The following FADS3 variants were observed in gnomAD, a reference collection of about 807,000 sequenced individuals.
FADS3 encodes the protein fatty acid desaturase 3.
In FADS3, 30 loss-of-function variants were observed where a neutral mutation model predicts 60.4. The observed-to-expected ratio is 0.50, with a 90% CI of 0.37 to 0.67. The LOEUF (loss-of-function observed/expected upper bound fraction) is 0.67. FADS3 is among the 30% of genes least tolerant of loss of function. The pLI, the probability that FADS3 is intolerant of heterozygous loss-of-function variation, is 0.00. For synonymous variants in FADS3, 234 were observed against 249.3 expected (o/e 0.94, Z 0.58); for missense variants, 432 against 598.3 (o/e 0.72, Z 2.90).
chr11:61,878,984 T>C (rs1169469493), intron 3 of FADS3, 137 bp from the exon 4 acceptor site: 1 of 715,892 alleles, frequency 1.4e-6, no homozygotes, highest in Non-Finnish European at 2.3e-6. Flanking sequence ...GCCAGTGTCC[T>C]CTTTTTACAG....
At chr11:61,873,897 GT>G in intron 11 of FADS3, 32 bp from the exon 12 acceptor site, 1 of 1,476,200 alleles carries the variant, frequency 6.8e-7, no homozygotes, top group Non-Finnish European at 9.4e-7. Context: ...GGGGGTGGGT[GT>G]TAGGAGCTCA....
Position 61,877,051 on chromosome 11 carries a change from T to A in FADS3, c.886-88A>T, listed in dbSNP as rs560997431. ...GTGGGTGGGAGGAGGACCTCAGGCA[T>A]CCAACCCTTCTGCCTGATTTGCCTC... On this transcript the variant is annotated intron_variant, in intron 7 of 11. Coordinates refer to ENST00000278829, the MANE Select transcript of FADS3 (RefSeq NM_021727.5). This position sits in a 1 kb window ranked among gnomAD's most constrained non-coding sequence, Gnocchi z 4.7. 1.4e-5 allele frequency: 12 copies of A among 885,426 alleles called. No individual in the cohort carries two copies. The African/African-American group carries it at 1.9e-4, about 14-fold the overall frequency. 54.8% of individuals were successfully genotyped at this position (885,426 alleles called of 1,614,324 possible).
chr11:61,876,930 A>G lies in FADS3; in HGVS notation c.919T>C (p.Phe307Leu). The G allele has an allele frequency of 1.2e-6, 2 of 1,608,824 alleles. No individual in the cohort carries two copies. Among genetic ancestry groups the G allele is most frequent in the Non-Finnish European group, 1.7e-6 (2 of 1,178,360 alleles). ...TAGAAGGGGAGGTAGGATAAGAAGA[A>G]GCGGGCATAGAAGCTGGCGGCCCAG... is the stretch of plus-strand genomic sequence containing the variant. ...LLWAASFYARFFLSYLPFYGV... is the reference protein window; with the variant it reads ...LLWAASFYARLFLSYLPFYGV... Residue 307 changes from phenylalanine (F) to leucine (L), a missense_variant, in exon 8 of 12, where the codon TTC becomes CTC. By Grantham distance (22) the Phe-to-Leu change is conservative. Around this residue, in one of 5 missense-constraint regions of FADS3, gnomAD observed 38 missense variants for 34.8 expected, o/e 1.09. Coordinates refer to ENST00000278829, the MANE Select transcript of FADS3 (RefSeq NM_021727.5). The surrounding 1 kb of genome is among the most constrained non-coding windows in gnomAD (Gnocchi z 5.7).
intron 1 of FADS3, among the ~76,000 whole-genome samples, chr11:61,884,779 A>C (rs972372651): frequency 1.2e-4 from 19 of 152,160 alleles, no homozygotes; most frequent in Non-Finnish European, 2.8e-4. Context: ...CACCCAAGCG[A>C]GTGGAAAGCG....
In FADS3 at chr11:61,878,818, C is replaced by T. The variant is rs138062761; in HGVS notation, c.552G>A (p.Leu184=). ...ACTTCTTGAAGATGGAGGCATGGCCCAGGTCATGCTGCAGACACCAGGACT... is the reference window on the plus strand; with the variant it reads ...ACTTCTTGAAGATGGAGGCATGGCCTAGGTCATGCTGCAGACACCAGGACT... ...QAQSWCLQHD[L]GHASIFKKSW... The change falls in exon 4 of 12, where the codon CTG becomes CTA. Residue 184 remains leucine (L), a synonymous_variant. Transcript: ENST00000278829. 12 of 1,614,068 alleles carry T rather than the reference C, an allele frequency of 7.4e-6. No homozygotes were observed. In the African/African-American group the frequency reaches 9.3e-5, roughly 13 times the overall value.
At position 61,878,545 on chromosome 11, in the gene FADS3, C is replaced by G. The variant is rs764505559; in HGVS notation, c.714G>C (p.Ala238=). 3.1e-6 allele frequency: 5 copies of G among 1,613,994 alleles called. No homozygotes were observed. The African/African-American group carries it at 6.7e-5, about 22-fold the overall frequency. ...ATGACTCCCCCAGGAGGAAGACGGG[C>G]GCCACCGTCACGTCTGGGTCTTTGT... ...IFHKDPDVTV[A]PVFLLGESSV... Residue 238 remains alanine, a synonymous_variant, in exon 5 of 12, where the codon GCG becomes GCC. Coordinates refer to ENST00000278829, the MANE Select transcript of FADS3 (RefSeq NM_021727.5).
chr11:61,889,471 G>A (rs1230014197), intron 1 of FADS3, among the ~76,000 whole-genome samples: 2 of 151,966 alleles, frequency 1.3e-5, no homozygotes, highest in African/African-American at 2.4e-5. Context: ...CCAACATGGT[G>A]AAACCCCGTC....
At chr11:61,875,398 T>G (rs1268786414) in intron 11 of FADS3, among the ~76,000 whole-genome samples, 31 of 148,604 alleles carry the variant, frequency 2.1e-4, no homozygotes, top group Admixed American at 9.3e-4. Context: ...TTTTTTTTTT[T>G]TTTTTTTTTT....
In FADS3 at chr11:61,877,251, C is replaced by G. The variant is rs1047833675; in HGVS notation, c.885+260G>C. On this transcript the variant is annotated intron_variant, in intron 7 of 11. Coordinates refer to ENST00000278829, the MANE Select transcript of FADS3 (RefSeq NM_021727.5). This position sits in a 1 kb window ranked among gnomAD's most constrained non-coding sequence, Gnocchi z 4.7. ...TGGCAGAGTCAGCCCAGCAACTCCT[C>G]CTGGGAAGACACCCTCACCGAGAGA... is the stretch of plus-strand genomic sequence containing the variant. 9.7e-6 allele frequency: 5 copies of G among 514,198 alleles called. No homozygotes were observed. The highest frequency in any genetic ancestry group is 1.8e-5 in the Non-Finnish European group (5 of 284,520). The allele number at this position is 514,198 out of a possible 1,614,324, so 31.9% of individuals were successfully genotyped here.
Position 61,877,390 on chromosome 11 carries a change from G to T in FADS3, c.885+121C>A. The T allele has an allele frequency of 1.1e-6, 1 of 892,938 alleles. No individual in the cohort carries two copies. Among genetic ancestry groups the T allele is most frequent in the Admixed American group, 1.9e-5 (1 of 52,778 alleles). 55.3% of individuals were successfully genotyped at this position (892,938 alleles called of 1,614,324 possible). A position where few individuals can be genotyped will look rare whatever the true frequency, so the allele number is the denominator to read the frequency against. ...GCCACACTGTTGCACGCATACATGT[G>T]AGCCACACTGTTGCACGCACATGTG... is the stretch of plus-strand genomic sequence containing the variant. On this transcript the variant is annotated intron_variant, in intron 7 of 11. Transcript: ENST00000278829. The surrounding 1 kb of genome is among the most constrained non-coding windows in gnomAD (Gnocchi z 4.7).
In FADS3 at chr11:61,891,369, C is replaced by A; in HGVS notation, c.13G>T (p.Gly5Trp). 1 of 1,476,190 alleles carries A rather than the reference C, an allele frequency of 6.8e-7. No homozygotes were observed. The highest frequency in any genetic ancestry group is 8.9e-7 in the Non-Finnish European group (1 of 1,118,750). The allele number at this position is 1,476,190 out of a possible 1,614,324, so 91.4% of individuals were successfully genotyped here. Residue 5 changes from glycine (G) to tryptophan (W), a missense_variant, in exon 1 of 12, where the codon GGG (glycine) becomes TGG (tryptophan). Gly to Trp is a radical substitution (Grantham distance 184). Around this residue, in one of 5 missense-constraint regions of FADS3, gnomAD observed 167 missense variants for 188.8 expected, o/e 0.88. Coordinates refer to ENST00000278829, the MANE Select transcript of FADS3 (RefSeq NM_021727.5). The part of the protein sequence containing the change: MGGV[G>W]EPGPREGPAQ... ...GGTCCCTCCCGCGGTCCCGGCTCCC[C>A]GACGCCGCCCATGCTGCACGCACGA...
At chr11:61,879,923 TCTGCATCCCCTTGGGCGAATGCC>T in intron 2 of FADS3, 95 bp downstream of exon 2, 1 of 781,306 alleles carries the variant, frequency 1.3e-6, no homozygotes, top group Non-Finnish European at 2.0e-6. Context: ...CAGCCCTGGC[TCTGCATCCCCTTGGGCGAATGCC>T]GAGGGAGCTG....
chr11:61,880,427 T>G, intron 1 of FADS3: 1 of 277,594 alleles, frequency 3.6e-6, no homozygotes, highest in East Asian at 6.2e-5. Flanking sequence ...TCTGCAGCTC[T>G]GGATTTACAG....
chr11:61,879,573 GC>G, intron 2 of FADS3, 64 bp from the exon 3 acceptor site: 1 of 1,464,428 alleles, frequency 6.8e-7, no homozygotes. Flanking sequence ...TTCTCCTGGA[GC>G]CCCAGCCGCT....
Position 61,879,469 on chromosome 11 carries a change from G to A in FADS3, c.365C>T (p.Ala122Val). The change falls in exon 3 of 12, where the codon GCC becomes GTC. Residue 122 changes from alanine (A) to valine (V), a missense_variant. Ala to Val is a moderately conservative substitution (Grantham distance 64, BLOSUM62 0). Coordinates refer to ENST00000278829, the MANE Select transcript of FADS3 (RefSeq NM_021727.5). The part of the protein sequence containing the change: ...VEDFRALHQA[A>V]EDMKLFDASP... ...GGCATCAAACAGCTTCATGTCCTCGGCTGCCTGGTGCAGGGCTCGGAAGTC... is the reference window on the plus strand; with the variant it reads ...GGCATCAAACAGCTTCATGTCCTCGACTGCCTGGTGCAGGGCTCGGAAGTC... 1 of 1,602,556 alleles carries A rather than the reference G, an allele frequency of 6.2e-7. No homozygotes were observed. The highest frequency in any genetic ancestry group is 8.5e-7 in the Non-Finnish European group (1 of 1,175,898).
At chr11:61,889,160 G>A (rs1306604026) in intron 1 of FADS3, among the ~76,000 whole-genome samples, 1 of 151,980 alleles carries the variant, frequency 6.6e-6, no homozygotes, top group African/African-American at 2.4e-5. Flanking sequence ...GCCTCCCAAA[G>A]TGCTGGGATT....
At position 61,878,789 on chromosome 11, in the gene FADS3, C is replaced by T; in HGVS notation, c.581G>A (p.Trp194Ter). Reference protein sequence around the residue: ...LGHASIFKKSWWNHVAQKFVM... With the variant: ...LGHASIFKKS ...GAACTTCTGGGCCACGTGGTTCCAC[C>T]AGGACTTCTTGAAGATGGAGGCATG... Residue 194 changes from tryptophan (W) to a stop codon, truncating the protein, a stop_gained, in exon 4 of 12, where the codon TGG (tryptophan) becomes TAG (stop). Coordinates refer to ENST00000278829, the MANE Select transcript of FADS3 (RefSeq NM_021727.5). LOFTEE classifies it high-confidence loss of function. 1 of 1,614,190 alleles carries T rather than the reference C, an allele frequency of 6.2e-7. No homozygotes were observed. Among genetic ancestry groups the T allele is most frequent in the Non-Finnish European group, 8.5e-7 (1 of 1,180,042 alleles).
In FADS3 at chr11:61,876,891, C is replaced by T. The variant is rs756746310; in HGVS notation, c.958G>A (p.Val320Met). The change falls in exon 8 of 12, where the codon GTG becomes ATG. Residue 320 changes from valine to methionine, a missense_variant. Val to Met is a conservative substitution (Grantham distance 21). Transcript: ENST00000278829. The surrounding 1 kb of genome is among the most constrained non-coding windows in gnomAD (Gnocchi z 5.7). ...CTGACAGCAACAAAGAAGAGCAGCA[C>T]CCCAGGGACGCCGTAGAAGGGGAGG... ...SYLPFYGVPG[V>M]LLFFVAVRVL... is the part of the protein sequence containing the mutation. 2.5e-6 allele frequency: 4 copies of T among 1,610,812 alleles called. No individual in the cohort carries two copies. The highest frequency in any genetic ancestry group is 3.4e-5 in the Admixed American group (2 of 59,624).
At chr11:61,889,861 G>T (rs1938438003) in intron 1 of FADS3, among the ~76,000 whole-genome samples, 1 of 152,188 alleles carries the variant, frequency 6.6e-6, no homozygotes, top group South Asian at 2.1e-4. Context: ...AAATAAAATA[G>T]ATACTTTTTT....
Sources: gnomAD v4.1 joint callset for allele counts (sites outside exome capture counted in the v4.1 genomes callset) on GRCh38, gnomAD v4.1.1 for gene constraint, gnomAD v4.1.1 regional missense constraint, Gnocchi (gnomAD v3.1) non-coding constraint, MANE v1.5 for transcripts, NCBI Gene and HGNC (gene_info 2026-07-23, HGNC 2026-07-21) for gene names.